The following UTY variants were observed in gnomAD, a reference collection of about 807,000 sequenced individuals.
UTY encodes ubiquitously transcribed tetratricopeptide repeat containing, Y-linked.
A neutral mutation model predicts 32.5 loss-of-function variants in UTY; 12 were observed. The ratio of observed to expected loss-of-function variants is 0.37; its 90% CI spans 0.24 to 0.60. The LOEUF is 0.60. Among genes scored for constraint, UTY ranks in the 20% least tolerant of loss-of-function variants. The pLI is 0.69. For missense variants in UTY, 303 were observed against 299.2 expected, an observed-to-expected ratio of 1.01 and a Z score of -0.09; for synonymous variants, 131 against 103.4, an observed-to-expected ratio of 1.27 and a Z score of -1.62.
chrY:13,451,009 T>C (rs2076276536), intron 3 of UTY, among the ~76,000 whole-genome samples: 1 of 32,466 alleles, frequency 3.1e-5, no homozygotes, highest in Non-Finnish European at 7.5e-5. Context: ...CTAAAGACTA[T>C]AGCTCCTGCC....
chrY:13,265,905 C>T (rs2055735687), intron 27 of UTY, among the ~76,000 whole-genome samples: 1 of 33,196 alleles, frequency 3.0e-5, no homozygotes, highest in African/African-American at 1.2e-4. Context: ...TTTTGAGATA[C>T]GTTCCATCAA....
intron 27 of UTY, among the ~76,000 whole-genome samples, chrY:13,281,460 A>T: frequency 3.0e-5 from 1 of 33,491 alleles, no homozygotes; most frequent in African/African-American, 1.2e-4. Context: ...TCCAATCAAA[A>T]GAAATAGAGT....
chrY:13,447,874 T>A, intron 4 of UTY, among the ~76,000 whole-genome samples: 2 of 33,940 alleles, frequency 5.9e-5, no homozygotes, highest in Non-Finnish European at 1.5e-4. Context: ...GGTCCCCAGC[T>A]ATAGTCCTAT....
At chrY:13,283,310 A>T in intron 27 of UTY, among the ~76,000 whole-genome samples, 1 of 33,250 alleles carries the variant, frequency 3.0e-5, no homozygotes, top group African/African-American at 1.2e-4. Flanking sequence ...AGATACTCTG[A>T]TTTTGGTTTT....
intron 25 of UTY, among the ~76,000 whole-genome samples, chrY:13,302,015 A>C: frequency 2.9e-5 from 1 of 34,095 alleles, no homozygotes; most frequent in Admixed American, 2.7e-4. Context: ...CAAAAGGTTA[A>C]AGTAGAAATT....
intron 4 of UTY, among the ~76,000 whole-genome samples, chrY:13,437,879 T>C: frequency 3.1e-5 from 1 of 32,005 alleles, no homozygotes; most frequent in African/African-American, 1.2e-4. Context: ...ATTAGAAGGA[T>C]TGCCAAAGAG....
chrY:13,426,993 C>G lies in UTY; in HGVS notation c.376-12200G>C. Among the ~76,000 whole-genome samples, 7 of 33,642 alleles carry G rather than the reference C, an allele frequency of 2.1e-4. No homozygotes were observed. The South Asian group carries it at 4.4e-3, about 21-fold the overall frequency. 90.3% of individuals were successfully genotyped at this position (33,642 alleles called of 37,273 possible). On this transcript the variant is annotated intron_variant, in intron 4 of 29. Transcript: ENST00000545955. ...TATGGACACTAAAATGGAATCAAAA[C>G]TATTGAAAACAATGACAGCTACAAC...
At chrY:13,434,583 T>C in intron 4 of UTY, among the ~76,000 whole-genome samples, 4 of 33,905 alleles carry the variant, frequency 1.2e-4, no homozygotes, top group Non-Finnish European at 2.2e-4. Context: ...AGGTATGGCA[T>C]GGAAAATGAT....
At chrY:13,471,184 A>G (rs1007074768) in intron 2 of UTY, among the ~76,000 whole-genome samples, 17 of 34,286 alleles carry the variant, frequency 5.0e-4, no homozygotes, top group Admixed American at 1.3e-3. Flanking sequence ...GCAAAGGAAA[A>G]GATGCTCAGT....
chrY:13,462,850 C>CAT (rs751323626), intron 3 of UTY, among the ~76,000 whole-genome samples: 60 of 28,327 alleles, frequency 2.1e-3, no homozygotes, highest in Admixed American at 4.4e-3. Context: ...AGGATATATA[C>CAT]ATATATATAT....
Position 13,479,255 on chromosome Y carries a change from T to C in UTY, c.215A>G (p.Lys72Arg). ...GACTTTGCGTCTGGTTGCTTTTACC[T>C]TGCCTAGTAGGGTCTTCGTTCTGGC... ...DGARTKTLLG[K>R]AVRCYESLIL... The change falls in exon 2 of 30, where the codon AAG (lysine) becomes AGG (arginine). Residue 72 changes from lysine (K) to arginine (R), a missense_variant and splice_region_variant. Lys to Arg is a conservative substitution (Grantham distance 26). Coordinates refer to ENST00000545955, the MANE Select transcript of UTY (RefSeq NM_001258249.2). The C allele has an allele frequency of 5.0e-6, 2 of 398,419 alleles. No individual in the cohort carries two copies. Among genetic ancestry groups the C allele is most frequent in the Non-Finnish European group, 7.1e-6 (2 of 283,249 alleles).
intron 3 of UTY, among the ~76,000 whole-genome samples, chrY:13,461,742 T>C (rs2077384528): frequency 6.0e-5 from 2 of 33,573 alleles, no homozygotes; most frequent in African/African-American, 2.3e-4. Flanking sequence ...GTTCAAGAGA[T>C]TCTCGTCTCA....
At chrY:13,396,860 G>GA in intron 7 of UTY, 58 bp downstream of exon 7, 2 of 228,536 alleles carry the variant, frequency 8.8e-6, no homozygotes, top group Non-Finnish European at 1.4e-5. Context: ...GGTATCAGTA[G>GA]AAAAAAAGGT....
intron 16 of UTY, 148 bp downstream of exon 16, chrY:13,355,775 C>T (rs2062836169): frequency 3.7e-6 from 1 of 269,615 alleles, no homozygotes; most frequent in Non-Finnish European, 5.2e-6. Context: ...CCATTACTAA[C>T]ACATATGTAA....
chrY:13,382,059 C>T (rs1603446457), intron 8 of UTY, among the ~76,000 whole-genome samples: 1 of 31,874 alleles, frequency 3.1e-5, no homozygotes, highest in African/African-American at 1.2e-4. Flanking sequence ...AAAATATATG[C>T]TAATTGTAAT....
chrY:13,301,732 A>T (rs1022108853), intron 25 of UTY, among the ~76,000 whole-genome samples: 1 of 33,574 alleles, frequency 3.0e-5, no homozygotes, highest in Non-Finnish European at 7.4e-5. Context: ...GTAGCACGAT[A>T]GGGATTCCCC....
chrY:13,434,806 T>C, intron 4 of UTY, among the ~76,000 whole-genome samples: 2 of 33,910 alleles, frequency 5.9e-5, no homozygotes, highest in Non-Finnish European at 1.5e-4. Flanking sequence ...CAAAGGGACA[T>C]ATATCTCAAT....
intron 18 of UTY, among the ~76,000 whole-genome samples, chrY:13,328,617 C>T (rs1603408667): frequency 3.0e-5 from 1 of 33,563 alleles, no homozygotes; most frequent in South Asian, 6.5e-4. Context: ...CTTTTATTCT[C>T]TTTCTTTCTG....
chrY:13,385,994 T>C (rs2066681881), intron 8 of UTY, among the ~76,000 whole-genome samples: 1 of 33,088 alleles, frequency 3.0e-5, no homozygotes, highest in African/African-American at 1.2e-4. Flanking sequence ...CTTGAAGCAA[T>C]TTTTGAAATG....
Sources: allele counts gnomAD v4.1 joint callset (sites outside exome capture counted in the v4.1 genomes callset), GRCh38; gene constraint gnomAD v4.1.1; transcripts MANE v1.5; gene names NCBI Gene and HGNC (gene_info 2026-07-23, HGNC 2026-07-21).